MBP: variants seen among roughly 807,000 people sequenced by gnomAD.
MBP encodes Golli-MBP.
Under a neutral mutation model 35.8 loss-of-function variants are expected in MBP, and 16 were observed. That is an observed-to-expected ratio of 0.45 (90% CI 0.30 to 0.68). The LOEUF (loss-of-function observed/expected upper bound fraction) is 0.68, where lower values mean the gene tolerates loss of function less well. Among genes scored for constraint, MBP ranks in the 30% least tolerant of loss-of-function variants. The pLI, the probability that MBP is intolerant of heterozygous loss-of-function variation, is 0.08. For missense variants in MBP, 380 were observed against 404.7 expected, an observed-to-expected ratio of 0.94 and a Z score of 0.52; for synonymous variants, 143 against 159.6, an observed-to-expected ratio of 0.90 and a Z score of 0.78.
intron 3 of MBP, among the ~76,000 whole-genome samples, chr18:77,055,505 C>T (rs1013639616): frequency 6.6e-6 from 1 of 152,106 alleles, no homozygotes; most frequent in Non-Finnish European, 1.5e-5. Context: ...TTTCTTTTTC[C>T]TTTCTTTCCT....
chr18:77,117,764 C>T (rs1325161486), intron 1 of MBP, among the ~76,000 whole-genome samples: 4 of 26,332 alleles, frequency 1.5e-4, no homozygotes, highest in African/African-American at 4.8e-4. Flanking sequence ...GGGGACGGTG[C>T]GTTGGAGTGG....
chr18:77,119,441 A>C (rs1976820263), intron 1 of MBP, among the ~76,000 whole-genome samples: 1 of 151,962 alleles, frequency 6.6e-6, no homozygotes, highest in Admixed American at 6.6e-5. Flanking sequence ...CACACAGCAC[A>C]TGGCAGGCAC....
intron 2 of MBP, among the ~76,000 whole-genome samples, chr18:77,104,248 G>A (rs1976165297): frequency 6.6e-6 from 1 of 152,200 alleles, no homozygotes; most frequent in Non-Finnish European, 1.5e-5. Context: ...GAGGAACGTG[G>A]AACCTTGGCT....
chr18:77,029,432 G>C (rs1225866489), intron 3 of MBP, among the ~76,000 whole-genome samples: 1 of 128,554 alleles, frequency 7.8e-6, no homozygotes, highest in African/African-American at 3.2e-5. Flanking sequence ...CGTGGGGAGA[G>C]GGAGAGGGAG....
chr18:77,013,363 G>A (rs1971455015), intron 4 of MBP: 1 of 985,432 alleles, frequency 1.0e-6, no homozygotes, highest in African/African-American at 1.7e-5. Flanking sequence ...GCTGTCTACT[G>A]TATCCTTCAT....
chr18:77,081,418 A>G (rs182675227), intron 2 of MBP, among the ~76,000 whole-genome samples: 1 of 152,360 alleles, frequency 6.6e-6, no homozygotes, highest in East Asian at 1.9e-4. Context: ...TTTCTTTAAA[A>G]AAGATACACA....
At chr18:77,014,086 C>T (rs1202215973) in intron 4 of MBP, 4 of 985,356 alleles carry the variant, frequency 4.1e-6, no homozygotes, top group African/African-American at 3.5e-5. Context: ...CAACAACAGT[C>T]CTTTCTTTCC....
Position 76,984,864 on chromosome 18 carries a change from A to G in MBP, c.781T>C (p.Tyr261His). 6.2e-7 allele frequency: 1 copy of G among 1,613,790 alleles called. No individual in the cohort carries two copies. The highest frequency in any genetic ancestry group is 8.5e-7 in the Non-Finnish European group (1 of 1,180,024). Residue 261 changes from tyrosine to histidine, a missense_variant, in exon 8 of 9, where the codon TAC becomes CAC. Transcript: ENST00000355994. ...TTATAGTCGGACGCTCTGCCTCCGT[A>G]GCCAAATCCTGGTCTCTGGCCTTCG... ...GAEGQRPGFGYGGRASDYKSA... is the reference protein window; with the variant it reads ...GAEGQRPGFGHGGRASDYKSA...
chr18:77,023,330 T>C (rs1005182488), intron 3 of MBP, among the ~76,000 whole-genome samples: 1 of 152,164 alleles, frequency 6.6e-6, no homozygotes, highest in African/African-American at 2.4e-5. Flanking sequence ...TGGCCTCATT[T>C]TTACAGTGTG....
At chr18:77,103,349 G>T (rs917834609) in intron 2 of MBP, among the ~76,000 whole-genome samples, 2 of 152,152 alleles carry the variant, frequency 1.3e-5, no homozygotes, top group African/African-American at 4.8e-5. Flanking sequence ...GTAAGTCGGG[G>T]GTTCCCCTGA....
intron 8 of MBP, 78 bp from the exon 9 acceptor site, chr18:76,980,549 C>T (rs960357950): frequency 8.4e-5 from 94 of 1,123,146 alleles, no homozygotes; most frequent in Non-Finnish European, 7.3e-5. Context: ...TCTGTGGTCC[C>T]GGGTGGATGC....
chr18:77,032,592 A>G (rs564042997), intron 3 of MBP, among the ~76,000 whole-genome samples: 1 of 152,376 alleles, frequency 6.6e-6, no homozygotes, highest in South Asian at 2.1e-4. Flanking sequence ...GTGAGGCTGC[A>G]CACACTGAGC....
chr18:77,000,759 T>C (rs912372956), intron 4 of MBP, among the ~76,000 whole-genome samples: 24 of 152,128 alleles, frequency 1.6e-4, no homozygotes, highest in African/African-American at 5.8e-4. Flanking sequence ...TCCAATTTGT[T>C]TTAAGGCCTG....
rs940441395 is a variant in MBP, at chr18:77,052,324, C to T, written c.139+13974G>A. Among the ~76,000 whole-genome samples, 5 of 152,154 alleles carry T rather than the reference C, an allele frequency of 3.3e-5. No homozygotes were observed. The South Asian group carries it at 6.2e-4, about 19-fold the overall frequency. Reference sequence around the variant, plus strand: ...CAGACATAAGTGATCAGCAGCATCCCGATCGGGGGGGTAAGACAAAGGGGT... The same window carrying T: ...CAGACATAAGTGATCAGCAGCATCCTGATCGGGGGGGTAAGACAAAGGGGT... On this transcript the variant is annotated intron_variant, in intron 3 of 8. Transcript: ENST00000355994.
intron 3 of MBP, among the ~76,000 whole-genome samples, chr18:77,060,552 C>A (rs1262864433): frequency 2.7e-5 from 4 of 146,700 alleles, no homozygotes; most frequent in African/African-American, 1.0e-4. Context: ...CTCCTGGGTT[C>A]AAGGAATTCT....
intron 4 of MBP, chr18:77,014,021 C>G: frequency 1.0e-6 from 1 of 985,472 alleles, no homozygotes; most frequent in Non-Finnish European, 1.2e-6. Flanking sequence ...AGTGCTCACC[C>G]ATTCCTCATG....
intron 3 of MBP, among the ~76,000 whole-genome samples, chr18:77,032,639 C>T (rs575046605): frequency 9.2e-5 from 14 of 152,344 alleles, no homozygotes; most frequent in African/African-American, 3.1e-4. Flanking sequence ...TGACAGTCCA[C>T]ATGCCCAGCT....
At chr18:76,987,085 G>A (rs1269338899) in intron 7 of MBP, 3 of 985,354 alleles carry the variant, frequency 3.0e-6, no homozygotes, top group Non-Finnish European at 3.6e-6. Context: ...GAGATGCAGG[G>A]AGGAATGCAA....
chr18:77,098,168 CTT>C lies in MBP; in HGVS notation c.51+7041_51+7042del, dbSNP rs3214873. On this transcript the variant is annotated intron_variant, in intron 2 of 8. Coordinates refer to ENST00000355994, the MANE Select transcript of MBP (RefSeq NM_001025101.2). The stretch of plus-strand genomic sequence containing the variant: ...TTCTGAGGACAGACACAAGGACTTC[CTT>C]TTTTTTTTTTTTTTTTTTTACAATA... 3.4e-3 allele frequency among the ~76,000 whole-genome samples: 370 copies of C among 108,524 alleles called. 2 individuals carry two copies. The highest frequency in any genetic ancestry group is 0.01 in the African/African-American group (307 of 29,354). 71.2% of individuals were successfully genotyped at this position (108,524 alleles called of 152,430 possible). A position where few individuals can be genotyped will look rare whatever the true frequency, so the allele number is the denominator to read the frequency against.
Sources: allele counts gnomAD v4.1 joint callset (sites outside exome capture counted in the v4.1 genomes callset), GRCh38; gene constraint gnomAD v4.1.1; transcripts MANE v1.5; gene names NCBI Gene and HGNC (gene_info 2026-07-23, HGNC 2026-07-21).